Variants in CDK14 observed in about 807,000 individuals in gnomAD.
CDK14 encodes the protein cyclin-dependent kinase 14.
A neutral mutation model predicts 60.7 loss-of-function variants in CDK14; 34 were observed. The observed-to-expected ratio is 0.56, with a 90% CI of 0.43 to 0.75. The LOEUF is 0.75. Among genes scored for constraint, CDK14 ranks in the 30% least tolerant of loss-of-function variants. The probability of loss-of-function intolerance (pLI) is 0.00; values close to 1 mark genes in which losing one functional copy is unlikely to be tolerated. For missense variants in CDK14, 482 were observed against 564.1 expected (o/e 0.85, Z 1.47); for synonymous variants, 197 against 203.7 (o/e 0.97, Z 0.28).
At chr7:90,913,596 G>A (rs1231271618) in intron 7 of CDK14, among the ~76,000 whole-genome samples, 1 of 152,196 alleles carries the variant, frequency 6.6e-6, no homozygotes, top group African/African-American at 2.4e-5. Flanking sequence ...AATGCTTTTA[G>A]GGGTGTGGTA....
intron 2 of CDK14, among the ~76,000 whole-genome samples, chr7:90,609,816 G>A (rs1289011827): frequency 6.6e-6 from 1 of 152,130 alleles, no homozygotes; most frequent in Non-Finnish European, 1.5e-5. Flanking sequence ...CATTTATTGA[G>A]CATGGTGGAA....
chr7:90,719,667 G>C (rs1248522800), intron 2 of CDK14, among the ~76,000 whole-genome samples: 1 of 152,066 alleles, frequency 6.6e-6, no homozygotes, highest in Non-Finnish European at 1.5e-5. Context: ...CATATGTGTG[G>C]GTGCATCTCA....
intron 2 of CDK14, among the ~76,000 whole-genome samples, chr7:90,615,381 C>A (rs555688887): frequency 2.0e-5 from 3 of 152,142 alleles, no homozygotes; most frequent in Non-Finnish European, 2.9e-5. Flanking sequence ...TCTCTGACTA[C>A]CCTCATGTAA....
chr7:90,838,630 G>C (rs753206021), intron 5 of CDK14, among the ~76,000 whole-genome samples: 1 of 152,152 alleles, frequency 6.6e-6, no homozygotes, highest in Non-Finnish European at 1.5e-5. Flanking sequence ...TAGGTCTATA[G>C]ATAGCCGCTC....
intron 13 of CDK14, among the ~76,000 whole-genome samples, chr7:91,117,127 C>G (rs150170897): frequency 3.4e-5 from 5 of 148,164 alleles, no homozygotes; most frequent in African/African-American, 5.0e-5. Flanking sequence ...CTGAACTCAT[C>G]TTTCCCCTCA....
At chr7:90,604,368 T>G in intron 2 of CDK14, 119 bp downstream of exon 2, 2 of 524,270 alleles carry the variant, frequency 3.8e-6, no homozygotes, top group Middle Eastern at 4.6e-4. Context: ...AGATAACATC[T>G]GTTTATTTCA....
At chr7:90,874,415 T>G (rs1385676976) in intron 6 of CDK14, among the ~76,000 whole-genome samples, 1 of 151,832 alleles carries the variant, frequency 6.6e-6, no homozygotes, top group East Asian at 1.9e-4. Context: ...TGTCCTGAAA[T>G]TTTATGATAA....
rs55658591 is a variant in CDK14 at position 90,920,938 on chromosome 7, A to ATT, written c.826+3223_826+3224dup. On this transcript the variant is annotated intron_variant, in intron 8 of 14. Transcript: ENST00000380050. ...TCCAGGTAGTCAAAATGCTGTAACT[A>ATT]TTTTTTTTTTCTGGTAAGCAAAGTC... is the stretch of plus-strand genomic sequence containing the variant. Among the ~76,000 whole-genome samples, 7 of 150,616 alleles carry ATT rather than the reference A, an allele frequency of 4.6e-5. No individual in the cohort carries two copies. The East Asian group carries it at 5.9e-4, about 13-fold the overall frequency.
At chr7:90,865,767 A>G (rs1791157431) in intron 6 of CDK14, among the ~76,000 whole-genome samples, 1 of 152,132 alleles carries the variant, frequency 6.6e-6, no homozygotes, top group African/African-American at 2.4e-5. Flanking sequence ...AGGGCTTTAC[A>G]TTCATTGTCA....
intron 2 of CDK14, among the ~76,000 whole-genome samples, chr7:90,678,611 A>G (rs1801248719): frequency 6.6e-6 from 1 of 152,130 alleles, no homozygotes; most frequent in Non-Finnish European, 1.5e-5. Context: ...TTATTCCGGT[A>G]TGTTGTGAGA....
intron 5 of CDK14, among the ~76,000 whole-genome samples, chr7:90,817,911 C>G (rs944143818): frequency 1.3e-5 from 2 of 152,128 alleles, no homozygotes; most frequent in African/African-American, 2.4e-5. Context: ...GGTAAGGGAA[C>G]CAATCTCCCA....
At chr7:91,185,766 C>CT (rs1183055502) in intron 14 of CDK14, among the ~76,000 whole-genome samples, 2 of 151,734 alleles carry the variant, frequency 1.3e-5, no homozygotes. Flanking sequence ...AATTTAAATA[C>CT]TTTAAGTTTA....
intron 2 of CDK14, chr7:90,608,537 G>A: frequency 1.0e-6 from 1 of 984,874 alleles, no homozygotes; most frequent in Non-Finnish European, 1.2e-6. Context: ...TAGCTTTGAT[G>A]ATTGCCAGAA....
rs888385492 is a variant in CDK14 at position 90,767,849 on chromosome 7, A to G, written c.464+20074A>G. 3.3e-5 allele frequency among the ~76,000 whole-genome samples: 5 copies of G among 152,272 alleles called. No homozygotes were observed. The East Asian group carries it at 5.8e-4, about 18-fold the overall frequency. ...GCCCTCTTGAGCCTCCACCTGAGGT[A>G]TATCCCCAGCTCTTGCTGTGAATGT... On this transcript the variant is annotated intron_variant, in intron 4 of 14. Coordinates refer to ENST00000380050, the MANE Select transcript of CDK14 (RefSeq NM_001287135.2).
intron 5 of CDK14, among the ~76,000 whole-genome samples, chr7:90,847,776 A>G (rs1180811621): frequency 1.3e-5 from 2 of 152,238 alleles, no homozygotes; most frequent in African/African-American, 4.8e-5. Context: ...TTTATGAAGA[A>G]CATTGAAATG....
At position 91,142,109 on chromosome 7, in the gene CDK14, A is replaced by G. The variant is rs1346487911; in HGVS notation, c.*28+23901A>G. Among the ~76,000 whole-genome samples, 10 of 152,322 alleles carry G rather than the reference A, an allele frequency of 6.6e-5. 2 individuals are homozygous for G. The highest frequency in any genetic ancestry group is 2.4e-4 in the African/African-American group (10 of 41,570). On this transcript the variant is annotated intron_variant, in intron 14 of 14. Coordinates refer to ENST00000380050, the MANE Select transcript of CDK14 (RefSeq NM_001287135.2). ...ATAGTGCTGGGGTTTACAGGCATGA[A>G]CCACCATGCCCGGCCAACAGTGCTT...
chr7:90,955,656 T>A (rs1794388023), intron 8 of CDK14, 41 bp from the exon 9 acceptor site: 1 of 1,609,450 alleles, frequency 6.2e-7, no homozygotes, highest in African/African-American at 1.3e-5. Context: ...CTTGTTTTGC[T>A]AATGCCTGTT....
intron 2 of CDK14, among the ~76,000 whole-genome samples, chr7:90,621,663 T>TCCTTCCTTCCTTCCTTCCTG (rs1563018781): frequency 5.3e-5 from 6 of 112,648 alleles, no homozygotes; most frequent in South Asian, 3.2e-4. Context: ...CTTCCTTCCT[T>TCCTTCCTTCCTTCCTTCCTG]CCTTCCTGCC....
intron 4 of CDK14, among the ~76,000 whole-genome samples, chr7:90,769,358 A>G (rs1804692013): frequency 6.6e-6 from 1 of 152,136 alleles, no homozygotes; most frequent in Admixed American, 6.5e-5. Context: ...ACTCATTTTC[A>G]ACTTAAGTGA....
Sources: gnomAD v4.1 joint callset for allele counts (sites outside exome capture counted in the v4.1 genomes callset) on GRCh38, gnomAD v4.1.1 for gene constraint, MANE v1.5 for transcripts, NCBI Gene and HGNC (gene_info 2026-07-23, HGNC 2026-07-21) for gene names.